NTM: variants seen among roughly 807,000 people sequenced by gnomAD.
NTM encodes IgLON family member 2.
In NTM, 13 loss-of-function variants were observed where a neutral mutation model predicts 42.1. That is an observed-to-expected ratio of 0.31 (90% CI 0.20 to 0.49). The LOEUF is 0.49. Ranked by LOEUF, NTM falls within the 20% of genes least tolerant of loss-of-function variation. NTM has a pLI of 0.99. For missense variants in NTM, 373 were observed against 452.8 expected, an observed-to-expected ratio of 0.82 and a Z score of 1.60; for synonymous variants, 187 against 179.2, an observed-to-expected ratio of 1.04 and a Z score of -0.35.
At chr11:131,667,537 A>G (rs2134577062) in intron 1 of NTM, among the ~76,000 whole-genome samples, 1 of 152,260 alleles carries the variant, frequency 6.6e-6, no homozygotes, top group African/African-American at 2.4e-5. Flanking sequence ...ACAGCAGGTG[A>G]TACACCTTCT....
chr11:131,566,040 T>C (rs2056847890), intron 1 of NTM, among the ~76,000 whole-genome samples: 2 of 152,280 alleles, frequency 1.3e-5, no homozygotes, highest in Middle Eastern at 3.4e-3. Flanking sequence ...AAATGTGATG[T>C]CGATATGAGA....
chr11:131,840,586 A>G (rs996639323), intron 1 of NTM, among the ~76,000 whole-genome samples: 2 of 152,220 alleles, frequency 1.3e-5, no homozygotes, highest in African/African-American at 4.8e-5. Context: ...GAAAACTTTC[A>G]TGAGTTTTTT....
intron 2 of NTM, among the ~76,000 whole-genome samples, chr11:132,021,982 G>A (rs1016307251): frequency 6.6e-6 from 1 of 152,168 alleles, no homozygotes; most frequent in Non-Finnish European, 1.5e-5. Context: ...GCCTAGCCCT[G>A]AGCAGAACCT....
At chr11:131,875,467 C>A (rs2030724449) in intron 1 of NTM, among the ~76,000 whole-genome samples, 3 of 152,150 alleles carry the variant, frequency 2.0e-5, no homozygotes, top group Admixed American at 2.0e-4. Context: ...TATAATAATG[C>A]AGAAAATTTA....
intron 2 of NTM, among the ~76,000 whole-genome samples, chr11:131,996,764 G>C (rs1284328077): frequency 3.3e-5 from 5 of 152,128 alleles, no homozygotes; most frequent in Non-Finnish European, 7.3e-5. Flanking sequence ...CCAGTTCGGT[G>C]TCATTGCTGC....
At chr11:132,307,539 G>A in intron 4 of NTM, 150 bp from the exon 5 acceptor site, 2 of 1,027,416 alleles carry the variant, frequency 1.9e-6, no homozygotes, top group African/African-American at 1.6e-5. Flanking sequence ...AAGAGACGGA[G>A]GAGGGATAAC....
At chr11:132,282,349 G>T (rs1047041456) in intron 4 of NTM, among the ~76,000 whole-genome samples, 1 of 152,322 alleles carries the variant, frequency 6.6e-6, no homozygotes, top group African/African-American at 2.4e-5. Flanking sequence ...TTAGGGAATA[G>T]CTTGTGTCTG....
chr11:131,660,250 G>C, intron 1 of NTM: 1 of 342,768 alleles, frequency 2.9e-6, no homozygotes, highest in Non-Finnish European at 5.9e-6. Flanking sequence ...CATTCAGGTG[G>C]TTGTTGGCCT....
At chr11:132,277,889 G>T (rs2093793206) in intron 4 of NTM, among the ~76,000 whole-genome samples, 2 of 152,160 alleles carry the variant, frequency 1.3e-5, no homozygotes, top group African/African-American at 2.4e-5. Context: ...GTAAATTCTG[G>T]TTTGAGGACT....
chr11:131,773,427 C>A (rs2086462835), intron 1 of NTM, among the ~76,000 whole-genome samples: 1 of 152,164 alleles, frequency 6.6e-6, no homozygotes, highest in African/African-American at 2.4e-5. Flanking sequence ...ACTTACATTT[C>A]TTTTTCCTTA....
At chr11:132,267,139 C>G (rs1451247093) in intron 4 of NTM, among the ~76,000 whole-genome samples, 1 of 152,108 alleles carries the variant, frequency 6.6e-6, no homozygotes, top group Admixed American at 6.5e-5. Flanking sequence ...CCTGGAGTAG[C>G]TAGATCAAAG....
Position 132,009,300 on chromosome 11 carries a change from C to T in NTM, c.167+97652C>T, listed in dbSNP as rs143367884. 2.3e-3 allele frequency among the ~76,000 whole-genome samples: 348 copies of T among 152,302 alleles called. 1 individual carries two copies. Among genetic ancestry groups the T allele is most frequent in the African/African-American group, 8.1e-3 (337 of 41,564 alleles). On this transcript the variant is annotated intron_variant, in intron 2 of 8. Transcript: ENST00000683400. ...TTTCCCTGACTTTTACTGACCTACT[C>T]CTCATTGTGTACCTGGCTGTCTTTA...
At chr11:132,012,269 C>T (rs1031300873) in intron 2 of NTM, among the ~76,000 whole-genome samples, 6 of 152,224 alleles carry the variant, frequency 3.9e-5, no homozygotes, top group African/African-American at 1.4e-4. Flanking sequence ...TTATAAATTC[C>T]TTTAAAAGAA....
intron 1 of NTM, among the ~76,000 whole-genome samples, chr11:131,393,591 C>G (rs1337730251): frequency 6.6e-6 from 1 of 152,236 alleles, no homozygotes; most frequent in East Asian, 1.9e-4. Flanking sequence ...GTGCCCTCCT[C>G]CTACTGCCCC....
At chr11:131,800,167 G>T (rs1455431860) in intron 1 of NTM, among the ~76,000 whole-genome samples, 1 of 152,208 alleles carries the variant, frequency 6.6e-6, no homozygotes, top group Non-Finnish European at 1.5e-5. Flanking sequence ...AAAGCAAACA[G>T]ATTTTCAAAC....
intron 2 of NTM, among the ~76,000 whole-genome samples, chr11:132,111,547 G>A (rs7112874): frequency 0.18 from 26,813 of 152,080 alleles, 2,556 homozygotes; most frequent in Middle Eastern, 0.29. Context: ...TCCAATTCGT[G>A]ATGCTGCAGT....
chr11:131,923,292 A>T (rs1489119267), intron 2 of NTM, among the ~76,000 whole-genome samples: 1 of 152,252 alleles, frequency 6.6e-6, no homozygotes, highest in African/African-American at 2.4e-5. Flanking sequence ...TAGTGATTAC[A>T]TTACTGCCTG....
chr11:131,762,296 G>A (rs1327712746), intron 1 of NTM, among the ~76,000 whole-genome samples: 1 of 152,180 alleles, frequency 6.6e-6, no homozygotes. Flanking sequence ...AGGATTGTGG[G>A]AATTGTCTCT....
chr11:131,512,751 ACT>A (rs1161479234), intron 1 of NTM, among the ~76,000 whole-genome samples: 1 of 151,694 alleles, frequency 6.6e-6, no homozygotes, highest in African/African-American at 2.4e-5. Flanking sequence ...TCTCGCTTCC[ACT>A]CTCTCGTCTC....
Sources: allele counts gnomAD v4.1 joint callset (sites outside exome capture counted in the v4.1 genomes callset), GRCh38; gene constraint gnomAD v4.1.1; transcripts MANE v1.5; gene names NCBI Gene and HGNC (gene_info 2026-07-23, HGNC 2026-07-21).